The following SAMMSON variants were observed in gnomAD, a reference collection of about 807,000 sequenced individuals.
The protein encoded by SAMMSON is long intergenic non-protein coding RNA 1212.
At chr3:70,035,756 T>C (rs575815795) in intron 3 of SAMMSON, among the ~76,000 whole-genome samples, 3 of 152,226 alleles carry the variant, frequency 2.0e-5, no homozygotes, top group Non-Finnish European at 4.4e-5. Flanking sequence ...AAGTAGGGTC[T>C]AGTCATTTTC....
At chr3:70,391,057 G>A (rs1011549792), downstream of SAMMSON, among the ~76,000 whole-genome samples, 1 of 152,146 alleles carries the variant, frequency 6.6e-6, no homozygotes, top group Non-Finnish European at 1.5e-5. Context: ...ATGTTGGGAA[G>A]AGTGACTAGT....
intron 7 of SAMMSON, among the ~76,000 whole-genome samples, chr3:70,338,800 C>T (rs1159601762): frequency 6.6e-6 from 1 of 152,056 alleles, no homozygotes; most frequent in Admixed American, 6.5e-5. Flanking sequence ...TAGGAAGAAA[C>T]AATATCATGA....
intron 7 of SAMMSON, among the ~76,000 whole-genome samples, chr3:70,348,876 C>G (rs2106733528): frequency 6.6e-6 from 1 of 152,234 alleles, no homozygotes; most frequent in South Asian, 2.1e-4. Flanking sequence ...ACTTTCAACA[C>G]TAGATCTTAC....
intron 4 of SAMMSON, among the ~76,000 whole-genome samples, chr3:70,148,198 CA>C (rs1344924126): frequency 2.6e-5 from 4 of 152,084 alleles, no homozygotes; most frequent in African/African-American, 9.7e-5. Flanking sequence ...TGCCAAATTA[CA>C]TAGCCATTCT....
intron 2 of SAMMSON, among the ~76,000 whole-genome samples, chr3:70,433,696 T>G (rs1701434221): frequency 1.3e-5 from 2 of 152,148 alleles, no homozygotes; most frequent in Non-Finnish European, 2.9e-5. Context: ...TGGATTATGC[T>G]TTTCATATTG....
chr3:70,252,925 CAA>C (rs1388097264), intron 6 of SAMMSON, among the ~76,000 whole-genome samples: 3 of 151,830 alleles, frequency 2.0e-5, no homozygotes, highest in Non-Finnish European at 4.4e-5. Flanking sequence ...ACTAAAAATA[CAA>C]AAATTAGCCG....
At chr3:70,311,365 A>T (rs1457687792) in intron 7 of SAMMSON, among the ~76,000 whole-genome samples, 2 of 152,206 alleles carry the variant, frequency 1.3e-5, no homozygotes, top group African/African-American at 4.8e-5. Context: ...TTAGGAGAAC[A>T]TATTGATTTG....
At chr3:70,038,481 A>G (rs1304632631) in intron 3 of SAMMSON, among the ~76,000 whole-genome samples, 1 of 152,110 alleles carries the variant, frequency 6.6e-6, no homozygotes, top group Non-Finnish European at 1.5e-5. Flanking sequence ...TGAGCCACAT[A>G]AACATCTTTT....
At chr3:70,226,536 G>A (rs1176494248) in intron 4 of SAMMSON, among the ~76,000 whole-genome samples, 3 of 152,134 alleles carry the variant, frequency 2.0e-5, no homozygotes, top group East Asian at 3.9e-4. Context: ...TCAGGAGTTC[G>A]AGACCAGCCT....
rs537740239 is a variant in SAMMSON, at chr3:70,312,193, G to A, written n.739+20950G>A. Among the ~76,000 whole-genome samples the A allele has an allele frequency of 8.5e-5, 13 of 152,214 alleles. No homozygotes were observed. In the South Asian group the frequency reaches 2.5e-3, roughly 29 times the overall value. On this transcript the variant is annotated intron_variant and non_coding_transcript_variant, in intron 7 of 9. Transcript: ENST00000642114. ...ACTTTATATGATATTTCTTTGCCCA[G>A]CAACAAAGATTGTTACAAGACCTTA...
chr3:70,055,622 C>T (rs558441455), intron 3 of SAMMSON, among the ~76,000 whole-genome samples: 8 of 152,092 alleles, frequency 5.3e-5, no homozygotes, highest in Non-Finnish European at 1.2e-4. Context: ...TATCGACATG[C>T]ATTTCAGAGG....
chr3:70,017,564 C>A (rs147626684), intron 3 of SAMMSON, among the ~76,000 whole-genome samples: 9 of 152,028 alleles, frequency 5.9e-5, no homozygotes, highest in Admixed American at 2.0e-4. Flanking sequence ...TCCTAATTGA[C>A]TACCCTTTAT....
chr3:70,337,892 A>G (rs1393796905), intron 7 of SAMMSON, among the ~76,000 whole-genome samples: 1 of 151,812 alleles, frequency 6.6e-6, no homozygotes, highest in African/African-American at 2.4e-5. Context: ...ATTTTATATT[A>G]AATATTTAAA....
chr3:70,017,702 A>G (rs1005615347), intron 3 of SAMMSON, among the ~76,000 whole-genome samples: 5 of 152,168 alleles, frequency 3.3e-5, no homozygotes, highest in African/African-American at 9.7e-5. Flanking sequence ...CCCATTCAGC[A>G]TGATATTGGC....
At chr3:70,218,277 T>C (rs910796653) in intron 4 of SAMMSON, among the ~76,000 whole-genome samples, 6 of 152,166 alleles carry the variant, frequency 3.9e-5, no homozygotes, top group African/African-American at 1.4e-4. Context: ...TTATAACGTA[T>C]AGTACAGTGA....
At chr3:70,397,608 A>G (rs1293198321) in intron 2 of SAMMSON, among the ~76,000 whole-genome samples, 2 of 152,140 alleles carry the variant, frequency 1.3e-5, no homozygotes, top group African/African-American at 4.8e-5. Flanking sequence ...CGGATTAACA[A>G]TATGTGTATA....
chr3:70,259,163 C>T (rs1465616486), intron 6 of SAMMSON, among the ~76,000 whole-genome samples: 3 of 152,074 alleles, frequency 2.0e-5, no homozygotes, highest in African/African-American at 7.2e-5. Context: ...CATATGTGGT[C>T]CTTTTTCCAG....
At chr3:70,332,906 GTTC>G (rs1264836123) in intron 7 of SAMMSON, 1 of 152,256 alleles carries the variant, frequency 6.6e-6, no homozygotes, top group Non-Finnish European at 1.5e-5. Flanking sequence ...CACCAGGTAA[GTTC>G]TTAACAAATG....
chr3:70,179,179 A>C (rs6782870), intron 4 of SAMMSON, among the ~76,000 whole-genome samples: 20,202 of 152,050 alleles, frequency 0.13, 2,045 homozygotes, highest in African/African-American at 0.28. Flanking sequence ...AGAATGTCAA[A>C]CTGGAAGGGC....
Sources: gnomAD v4.1 joint callset for allele counts (sites outside exome capture counted in the v4.1 genomes callset) on GRCh38, gnomAD v4.1.1 for gene constraint, MANE v1.5 for transcripts, NCBI Gene and HGNC (gene_info 2026-07-23, HGNC 2026-07-21) for gene names.